The following ZFAND4 variants were observed in gnomAD, a reference collection of about 807,000 sequenced individuals.
The protein encoded by ZFAND4 is AN1-type zinc finger protein 4.
A neutral mutation model predicts 64.4 loss-of-function variants in ZFAND4; 43 were observed. That is an observed-to-expected ratio of 0.67 (90% confidence interval 0.52 to 0.86). The LOEUF (loss-of-function observed/expected upper bound fraction) is 0.86, where lower values mean the gene tolerates loss of function less well. Ranked by LOEUF, ZFAND4 falls within the 40% of genes least tolerant of loss-of-function variation. ZFAND4 has a pLI of 0.00. For synonymous variants in ZFAND4, 296 were observed against 305.7 expected, an observed-to-expected ratio of 0.97 and a Z score of 0.33; for missense variants, 929 against 859.8, an observed-to-expected ratio of 1.08 and a Z score of -1.01.
chr10:45,615,614 T>C lies in ZFAND4; in HGVS notation c.*822A>G, dbSNP rs1294404835. 6.6e-6 allele frequency: 1 copy of C among 151,990 alleles called. No homozygotes were observed. Among genetic ancestry groups the C allele is most frequent in the African/African-American group, 2.4e-5 (1 of 41,454 alleles). The allele number at this position is 151,990 out of a possible 1,614,324, so 9.4% of individuals were successfully genotyped here. A position where few individuals can be genotyped will look rare whatever the true frequency, so the allele number is the denominator to read the frequency against. On this transcript the variant is annotated 3_prime_UTR_variant, in exon 10 of 10. Coordinates refer to ENST00000344646, the MANE Select transcript of ZFAND4 (RefSeq NM_174890.4). The stretch of plus-strand genomic sequence containing the variant: ...AATTCATAATGAAATTGAATATTTA[T>C]TTGAATTTCTCCTGGTAATAGCACT...
chr10:45,664,199 T>C (rs2048657844), intron 1 of ZFAND4, among the ~76,000 whole-genome samples: 1 of 152,168 alleles, frequency 6.6e-6, no homozygotes. Flanking sequence ...AATTTATTCA[T>C]ATCCTTTTCT....
intron 2 of ZFAND4, among the ~76,000 whole-genome samples, chr10:45,655,523 G>C (rs1564620756): frequency 6.6e-6 from 1 of 151,760 alleles, no homozygotes; most frequent in Non-Finnish European, 1.5e-5. Flanking sequence ...GATCAGAGCA[G>C]AACTAAATTG....
At chr10:45,657,789 TA>T (rs1475340920) in intron 2 of ZFAND4, among the ~76,000 whole-genome samples, 9 of 152,132 alleles carry the variant, frequency 5.9e-5, no homozygotes, top group African/African-American at 1.9e-4. Flanking sequence ...AACAATATGA[TA>T]AGTCTCAAAC....
intron 9 of ZFAND4, among the ~76,000 whole-genome samples, chr10:45,616,910 C>T (rs540378636): frequency 1.3e-5 from 2 of 152,132 alleles, no homozygotes; most frequent in South Asian, 4.2e-4. Flanking sequence ...GAAAACCCAT[C>T]TCTATTAAAA....
chr10:45,616,561 T>A lies in ZFAND4; in HGVS notation c.2059A>T (p.Asn687Tyr). ...ASSYECRCGN[N>Y]FCASHRYAET... is the part of the protein sequence containing the mutation. ...GCATAACGATGAGATGCACAGAAGT[T>A]GTTTCCACATCTAAAGCACAAAAAA... The change falls in exon 10 of 10, where the codon AAC becomes TAC. Residue 687 changes from asparagine (N) to tyrosine (Y), a missense_variant. Transcript: ENST00000344646. The A allele has an allele frequency of 2.5e-6, 4 of 1,614,058 alleles. No homozygotes were observed. The highest frequency in any genetic ancestry group is 3.4e-6 in the Non-Finnish European group (4 of 1,179,992).
rs184635659 is a variant in ZFAND4, at chr10:45,663,670, T to C, written c.56A>G (p.Tyr19Cys). 6 of 1,610,414 alleles carry C rather than the reference T, an allele frequency of 3.7e-6. No individual in the cohort carries two copies. In the African/African-American group the frequency reaches 4.0e-5, roughly 11 times the overall value. The part of the protein sequence containing the change: ...FFNDDNMGPF[Y>C]YRLHFCDTME... ...GGTATCACAGAAATGAAGTCTGTAG[T>C]AAAATGGTCCCATGTTATCATCATT... is the stretch of plus-strand genomic sequence containing the variant. Residue 19 changes from tyrosine (Y) to cysteine (C), a missense_variant, in exon 2 of 10, where the codon TAC becomes TGC. Tyr to Cys is a radical substitution (Grantham distance 194). Transcript: ENST00000344646.
intron 1 of ZFAND4, among the ~76,000 whole-genome samples, chr10:45,665,630 T>C (rs993819420): frequency 1.3e-5 from 2 of 152,204 alleles, no homozygotes; most frequent in African/African-American, 2.4e-5. Context: ...GTTTTTATGA[T>C]GTACACAGAG....
chr10:45,662,877 T>C (rs1475611990), intron 2 of ZFAND4, among the ~76,000 whole-genome samples: 5 of 152,212 alleles, frequency 3.3e-5, no homozygotes, highest in African/African-American at 4.8e-5. Flanking sequence ...TATGGAACAA[T>C]TTAATTTTCT....
intron 5 of ZFAND4, chr10:45,640,286 G>A (rs2046893822): frequency 8.1e-7 from 1 of 1,236,960 alleles, no homozygotes. Flanking sequence ...GAGAATGTCT[G>A]ATTTCATTTT....
At position 45,663,715 on chromosome 10, in the gene ZFAND4, C is replaced by T. The variant is rs2048625117; in HGVS notation, c.11G>A (p.Arg4Lys). 1 of 1,598,390 alleles carries T rather than the reference C, an allele frequency of 6.3e-7. No individual in the cohort carries two copies. The highest frequency in any genetic ancestry group is 8.5e-7 in the Non-Finnish European group (1 of 1,176,166). The stretch of plus-strand genomic sequence containing the variant: ...ATCATTGAAGAATGGAGGCTCTTTT[C>T]TGTTATCCATTACTTTGACTTTTCT... MDN[R>K]KEPPFFNDDN... The change falls in exon 2 of 10, where the codon AGA (arginine) becomes AAA (lysine). Residue 4 changes from arginine (R) to lysine (K), a missense_variant. Coordinates refer to ENST00000344646, the MANE Select transcript of ZFAND4 (RefSeq NM_174890.4).
chr10:45,652,287 T>C (rs1041731482), intron 3 of ZFAND4, among the ~76,000 whole-genome samples: 1 of 152,224 alleles, frequency 6.6e-6, no homozygotes, highest in African/African-American at 2.4e-5. Flanking sequence ...TTACGTGTTT[T>C]AGCCTGTTCA....
intron 8 of ZFAND4, 103 bp downstream of exon 8, chr10:45,624,480 T>C (rs948858183): frequency 2.0e-6 from 2 of 997,840 alleles, no homozygotes; most frequent in African/African-American, 1.6e-5. Context: ...ACTCTGTACA[T>C]GCCACAGAGA....
rs754676371 is a variant in ZFAND4 at position 45,625,968 on chromosome 10, GT to G, written c.1854del (p.Glu618AspfsTer14). On this transcript the variant is annotated frameshift_variant, in exon 7 of 10. Transcript: ENST00000344646. LOFTEE classifies it high-confidence loss of function. ...ENFRKSSPQL[E>X]HTGVFLSTHG... is the part of the protein sequence containing the mutation. ...ATACTGACCAAAAAAACTCCTGTATGTTCTAACTGGGGAGAACTTTTCCTAA... is the reference window on the plus strand; with the variant it reads ...ATACTGACCAAAAAAACTCCTGTATGTCTAACTGGGGAGAACTTTTCCTAA... The G allele has an allele frequency of 1.9e-6, 3 of 1,613,978 alleles. No individual in the cohort carries two copies. In the Admixed American group the frequency reaches 5.0e-5, roughly 27 times the overall value.
At chr10:45,670,922 G>C (rs983422424) in intron 1 of ZFAND4, among the ~76,000 whole-genome samples, 3 of 152,106 alleles carry the variant, frequency 2.0e-5, no homozygotes, top group Admixed American at 1.3e-4. Context: ...AAAAAATTTT[G>C]CAATCTACCC....
intron 6 of ZFAND4, among the ~76,000 whole-genome samples, chr10:45,636,308 A>G (rs1190484881): frequency 6.6e-6 from 1 of 152,162 alleles, no homozygotes; most frequent in Non-Finnish European, 1.5e-5. Context: ...GTAATCAGAG[A>G]GCATTTTTGT....
chr10:45,653,367 A>G (rs2047889639), intron 2 of ZFAND4, among the ~76,000 whole-genome samples: 1 of 152,208 alleles, frequency 6.6e-6, no homozygotes, highest in Admixed American at 6.5e-5. Flanking sequence ...AAAAGAAACT[A>G]TCAACAGAGT....
chr10:45,648,462 G>T lies in ZFAND4; in HGVS notation c.401C>A (p.Thr134Asn). 1 of 1,613,912 alleles carries T rather than the reference G, an allele frequency of 6.2e-7. No homozygotes were observed. Among genetic ancestry groups the T allele is most frequent in the Non-Finnish European group, 8.5e-7 (1 of 1,179,922 alleles). ...AAATGTAACTTGTTTGCTGCAGGAG[G>T]TCTTCTCCCAGACCTCAACTCGACT... The part of the protein sequence containing the change: ...DSSRVEVWEK[T>N]SCSKQVTFLV... The change falls in exon 5 of 10, where the codon ACC becomes AAC. Residue 134 changes from threonine to asparagine, a missense_variant. Thr to Asn is a moderately conservative substitution (Grantham distance 65). Coordinates refer to ENST00000344646, the MANE Select transcript of ZFAND4 (RefSeq NM_174890.4).
At chr10:45,644,692 C>G (rs1388192122) in intron 5 of ZFAND4, among the ~76,000 whole-genome samples, 1 of 152,122 alleles carries the variant, frequency 6.6e-6, no homozygotes, top group Non-Finnish European at 1.5e-5. Context: ...ATGTCAACAG[C>G]TGATTTAAAA....
Position 45,616,985 on chromosome 10 carries a change from G to A in ZFAND4, c.2049-414C>T, listed in dbSNP as rs190301572. 2.5e-3 allele frequency among the ~76,000 whole-genome samples: 380 copies of A among 152,116 alleles called. 3 individuals carry two copies. Among genetic ancestry groups the A allele is most frequent in the African/African-American group, 8.5e-3 (351 of 41,508 alleles). On this transcript the variant is annotated intron_variant, in intron 9 of 9. Coordinates refer to ENST00000344646, the MANE Select transcript of ZFAND4 (RefSeq NM_174890.4). Reference sequence around the variant, plus strand: ...TCCAGCTACTCGGGAGGCTGAGGCAGGAGAATCGCTTGAACCCAGGAGGTG... The same window carrying A: ...TCCAGCTACTCGGGAGGCTGAGGCAAGAGAATCGCTTGAACCCAGGAGGTG...
Sources: gnomAD v4.1 joint callset for allele counts (sites outside exome capture counted in the v4.1 genomes callset) on GRCh38, gnomAD v4.1.1 for gene constraint, MANE v1.5 for transcripts, NCBI Gene and HGNC (gene_info 2026-07-23, HGNC 2026-07-21) for gene names.